SGCD: variants seen among roughly 807,000 people sequenced by gnomAD.
The protein encoded by SGCD is delta-sarcoglycan.
SGCD carries 18 observed loss-of-function variants against 36.6 expected under a neutral mutation model. That is an observed-to-expected ratio of 0.49 (90% CI 0.34 to 0.73). The LOEUF is 0.73. Among genes scored for constraint, SGCD ranks in the 30% least tolerant of loss-of-function variants. The pLI, the probability that SGCD is intolerant of heterozygous loss-of-function variation, is 0.01. For missense variants in SGCD, 387 were observed against 346.7 expected, an observed-to-expected ratio of 1.12 and a Z score of -0.92; for synonymous variants, 133 against 130.6, an observed-to-expected ratio of 1.02 and a Z score of -0.12.
At chr5:156,122,843 TAAAA>T (rs33983852) in intron 2 of SGCD, among the ~76,000 whole-genome samples, 1 of 54,166 alleles carries the variant, frequency 1.8e-5, no homozygotes, top group African/African-American at 8.1e-5. Context: ...AAAGATGTGG[TAAAA>T]AAAAAAAAAA....
At chr5:155,735,010 T>C in the SGCD span, among the ~76,000 whole-genome samples, 1 of 152,240 alleles carries the variant, frequency 6.6e-6, no homozygotes, top group Non-Finnish European at 1.5e-5. Flanking sequence ...CTGGTTTTAT[T>C]GGAAGTTGGA....
At chr5:156,263,446 T>A (rs939439043) in intron 3 of SGCD, among the ~76,000 whole-genome samples, 1 of 151,936 alleles carries the variant, frequency 6.6e-6, no homozygotes, top group Admixed American at 6.6e-5. Context: ...TTTTATGAAG[T>A]TTTTTTTCTT....
chr5:156,413,329 T>A (rs115090503), intron 3 of SGCD, among the ~76,000 whole-genome samples: 2 of 152,328 alleles, frequency 1.3e-5, no homozygotes, highest in African/African-American at 4.8e-5. Flanking sequence ...GAAGATAGCC[T>A]ACCACATAGG....
chr5:155,751,554 T>G, the SGCD span, among the ~76,000 whole-genome samples: 3 of 152,040 alleles, frequency 2.0e-5, no homozygotes, highest in East Asian at 1.9e-4. Context: ...ACCAGGCTAA[T>G]TTTTCTATAT....
chr5:155,981,090 C>T (rs1004264840), intron 1 of SGCD, among the ~76,000 whole-genome samples: 1 of 152,070 alleles, frequency 6.6e-6, no homozygotes, highest in Non-Finnish European at 1.5e-5. Context: ...TGGAGGAGGG[C>T]GGATCCAGCT....
intron 3 of SGCD, among the ~76,000 whole-genome samples, chr5:156,271,754 T>G (rs1766187739): frequency 6.6e-6 from 1 of 152,122 alleles, no homozygotes; most frequent in South Asian, 2.1e-4. Flanking sequence ...CATGATGGAT[T>G]TGTGCTCTCC....
intron 7 of SGCD, among the ~76,000 whole-genome samples, chr5:156,707,380 G>A (rs1169201396): frequency 5.9e-5 from 9 of 152,018 alleles, no homozygotes; most frequent in Admixed American, 5.9e-4. Context: ...ATTACTCTCA[G>A]TAAAGAGTGC....
chr5:156,189,227 A>G (rs1277542167), intron 3 of SGCD, among the ~76,000 whole-genome samples: 14 of 152,180 alleles, frequency 9.2e-5, no homozygotes, highest in Non-Finnish European at 1.8e-4. Flanking sequence ...AGTACGTGCT[A>G]GTGACACAGA....
At chr5:156,110,025 A>G (rs76716844) in intron 1 of SGCD, among the ~76,000 whole-genome samples, 3,062 of 152,268 alleles carry the variant, frequency 0.02, 44 homozygotes, top group Non-Finnish European at 0.034. Flanking sequence ...GCAGCAGATA[A>G]CTCACCTCTG....
At chr5:155,988,896 T>C (rs1424482148) in intron 1 of SGCD, among the ~76,000 whole-genome samples, 1 of 152,162 alleles carries the variant, frequency 6.6e-6, no homozygotes, top group Non-Finnish European at 1.5e-5. Context: ...ACTATTATAG[T>C]TTTTGAAGGA....
intron 3 of SGCD, among the ~76,000 whole-genome samples, chr5:156,433,562 C>T (rs1439771782): frequency 6.6e-6 from 1 of 152,136 alleles, no homozygotes. Context: ...CTAAGGATTC[C>T]TGCCCTACTA....
chr5:155,751,656 C>T, the SGCD span, among the ~76,000 whole-genome samples: 4 of 151,028 alleles, frequency 2.6e-5, no homozygotes, highest in East Asian at 3.9e-4. Flanking sequence ...GGATTATAGG[C>T]GTGAGCCACC....
At chr5:156,612,085 G>C (rs947570712) in intron 6 of SGCD, among the ~76,000 whole-genome samples, 1 of 152,110 alleles carries the variant, frequency 6.6e-6, no homozygotes, top group African/African-American at 2.4e-5. Flanking sequence ...ATTTTTGGGA[G>C]GGGGTCTGTT....
intron 6 of SGCD, among the ~76,000 whole-genome samples, chr5:156,607,056 G>T (rs1487829458): frequency 1.3e-5 from 2 of 152,128 alleles, no homozygotes; most frequent in South Asian, 2.1e-4. Flanking sequence ...CTGCCTAATT[G>T]CCCTGGCCAG....
intron 3 of SGCD, among the ~76,000 whole-genome samples, chr5:156,429,625 T>G (rs910110334): frequency 2.0e-5 from 3 of 151,994 alleles, no homozygotes; most frequent in African/African-American, 7.2e-5. Flanking sequence ...GTGAGATGTA[T>G]GCTTTAAGGA....
At chr5:156,496,570 G>A (rs1756199828) in intron 3 of SGCD, among the ~76,000 whole-genome samples, 1 of 152,068 alleles carries the variant, frequency 6.6e-6, no homozygotes, top group Non-Finnish European at 1.5e-5. Context: ...CTGAGTCGGG[G>A]ATTATGACAT....
At chr5:155,993,907 C>T (rs1468534009) in intron 1 of SGCD, among the ~76,000 whole-genome samples, 1 of 152,152 alleles carries the variant, frequency 6.6e-6, no homozygotes, top group African/African-American at 2.4e-5. Context: ...TTGAAACAGA[C>T]ATGAAAGTCC....
chr5:156,652,330 A>C (rs1009311171), intron 7 of SGCD, among the ~76,000 whole-genome samples: 52 of 151,528 alleles, frequency 3.4e-4, no homozygotes, highest in Admixed American at 3.3e-4. Flanking sequence ...AAAGAAAAAA[A>C]AAGTTAATAG....
At chr5:156,061,935 T>C (rs1319119106) in intron 1 of SGCD, among the ~76,000 whole-genome samples, 1 of 113,848 alleles carries the variant, frequency 8.8e-6, no homozygotes, top group African/African-American at 5.4e-5. Context: ...TTTTTTTTTT[T>C]TTTTTTTTTA....
Sources: gnomAD v4.1 joint callset for allele counts (sites outside exome capture counted in the v4.1 genomes callset) on GRCh38, gnomAD v4.1.1 for gene constraint, MANE v1.5 for transcripts, NCBI Gene and HGNC (gene_info 2026-07-23, HGNC 2026-07-21) for gene names.